Variants in ZNF273 observed in about 807,000 individuals in gnomAD.
ZNF273 encodes zinc finger protein 273.
Under a neutral mutation model 14.9 loss-of-function variants are expected in ZNF273, and 11 were observed. The ratio of observed to expected loss-of-function variants is 0.74; its 90% confidence interval spans 0.46 to 1.22. The LOEUF is 1.22. Among genes scored for constraint, ZNF273 ranks in the 50% most tolerant of loss-of-function variants. ZNF273 has a pLI of 0.00. For synonymous variants in ZNF273, 199 were observed against 223.9 expected (o/e 0.89, Z 0.99); for missense variants, 577 against 660.6 (o/e 0.87, Z 1.39).
Position 64,930,432 on chromosome 7 carries a change from AT to A in ZNF273, c.*1396del, listed in dbSNP as rs1794964950. 6.6e-6 allele frequency: 1 copy of A among 152,158 alleles called. No individual in the cohort carries two copies. Among genetic ancestry groups the A allele is most frequent in the Non-Finnish European group, 1.5e-5 (1 of 68,034 alleles). 9.4% of individuals were successfully genotyped at this position (152,158 alleles called of 1,614,324 possible). On this transcript the variant is annotated 3_prime_UTR_variant, in exon 4 of 4. Transcript: ENST00000476120. ...GAAAAATTTTTAATATTAAAATTCA[AT>A]TATATCATTTTATGAATTGTGCTTT...
rs557127873 is a variant in ZNF273, at chr7:64,920,818, C to G, written c.325+2526C>G. ...CATAATCCAGGCTGGTCTTAAAATT[C>G]CTCCGTGAGGCGATTCTCCAACCTT... is the stretch of plus-strand genomic sequence containing the variant. On this transcript the variant is annotated intron_variant, in intron 3 of 3. Coordinates refer to ENST00000476120, the MANE Select transcript of ZNF273 (RefSeq NM_021148.3). Among the ~76,000 whole-genome samples, 47 of 152,202 alleles carry G rather than the reference C, an allele frequency of 3.1e-4. No homozygotes were observed. The Middle Eastern group carries it at 0.01, about 33-fold the overall frequency.
chr7:64,887,170 T>C (rs1017731982), intron 1 of ZNF273, among the ~76,000 whole-genome samples: 8 of 152,260 alleles, frequency 5.3e-5, no homozygotes, highest in Non-Finnish European at 8.8e-5. Flanking sequence ...AAGCTAGGTC[T>C]ATCATTATTT....
At position 64,929,295 on chromosome 7, in the gene ZNF273, A is replaced by G. The variant is rs1197857843; in HGVS notation, c.*257A>G. Reference sequence around the variant, plus strand: ...GATCTTTCAGACAATATAAGCCTGCAAAGTGCAGCAGAGTATTTATTTTGA... The same window carrying G: ...GATCTTTCAGACAATATAAGCCTGCGAAGTGCAGCAGAGTATTTATTTTGA... On this transcript the variant is annotated 3_prime_UTR_variant, in exon 4 of 4. Transcript: ENST00000476120. The G allele has an allele frequency of 3.7e-6, 1 of 273,140 alleles. No homozygotes were observed. The highest frequency in any genetic ancestry group is 6.8e-6 in the Non-Finnish European group (1 of 146,632). 16.9% of individuals were successfully genotyped at this position (273,140 alleles called of 1,614,324 possible).
downstream of ZNF273, among the ~76,000 whole-genome samples, chr7:64,883,166 C>G (rs976641650): frequency 9.3e-4 from 139 of 150,202 alleles, no homozygotes; most frequent in Non-Finnish European, 1.7e-3. Flanking sequence ...TTCCTGAATC[C>G]GCGGTGAATT....
chr7:64,932,922 T>C (rs184832062), downstream of ZNF273, among the ~76,000 whole-genome samples: 1 of 152,292 alleles, frequency 6.6e-6, no homozygotes, highest in Admixed American at 6.5e-5. Context: ...ATGACTTCTG[T>C]TGACTTGAAA....
At chr7:64,936,758 G>A in the ZNF273 span, among the ~76,000 whole-genome samples, 2 of 152,176 alleles carry the variant, frequency 1.3e-5, no homozygotes, top group Non-Finnish European at 2.9e-5. Context: ...AAATAACAGT[G>A]TTTTGCACAC....
chr7:64,888,712 C>T, exon 2 of ZNF273: 1 of 985,786 alleles, frequency 1.0e-6, no homozygotes, highest in Non-Finnish European at 1.2e-6. Flanking sequence ...TCCTGGAGGA[C>T]AGCGGGATGG....
chr7:64,890,496 G>A (rs73132382), downstream of ZNF273, among the ~76,000 whole-genome samples: 792 of 152,224 alleles, frequency 5.2e-3, 2 homozygotes, highest in Non-Finnish European at 8.2e-3. Context: ...AGCTGGGGAG[G>A]ACGAACTCCC....
chr7:64,928,700 T>TA lies in ZNF273; in HGVS notation c.1373dup (p.Tyr458Ter). 1 of 1,607,100 alleles carries TA rather than the reference T, an allele frequency of 6.2e-7. No homozygotes were observed. ...HKIIHTGAKP[Y>*]KCEECGSAFR... Reference sequence around the variant, plus strand: ...GATAATTCATACTGGAGCAAAACCTTACAAATGTGAAGAATGTGGCAGTGC... The same window carrying TA: ...GATAATTCATACTGGAGCAAAACCTTAACAAATGTGAAGAATGTGGCAGTGC... Residue 458 changes from tyrosine (Y) to a stop codon, truncating the protein, a stop_gained and frameshift_variant, in exon 4 of 4, where the codon TAC becomes TAAC. Transcript: ENST00000476120. LOFTEE classifies it low-confidence loss of function (END_TRUNC).
chr7:64,882,371 C>A (rs1362469721), downstream of ZNF273: 2 of 152,218 alleles, frequency 1.3e-5, no homozygotes, highest in African/African-American at 4.8e-5. Flanking sequence ...CTTTTATAGT[C>A]CCGCAATGGT....
chr7:64,934,665 ATG>A (rs1174355768), downstream of ZNF273, among the ~76,000 whole-genome samples: 6 of 152,032 alleles, frequency 3.9e-5, no homozygotes, highest in African/African-American at 1.4e-4. Flanking sequence ...CCACTGGCAT[ATG>A]TGTCTGTTTT....
chr7:64,896,846 A>G (rs59666562), intron 3 of ZNF273, among the ~76,000 whole-genome samples: 12,666 of 152,274 alleles, frequency 0.083, 672 homozygotes, highest in South Asian at 0.18. Context: ...AGCAAATGAA[A>G]AAAAGGGGAA....
intron 1 of ZNF273, among the ~76,000 whole-genome samples, chr7:64,906,797 A>T (rs1466125620): frequency 2.0e-5 from 3 of 152,036 alleles, no homozygotes; most frequent in African/African-American, 7.3e-5. Context: ...TTACTGTTTT[A>T]AGGCAGTTTC....
At chr7:64,932,837 A>C (rs913303760), downstream of ZNF273, among the ~76,000 whole-genome samples, 4 of 152,118 alleles carry the variant, frequency 2.6e-5, no homozygotes, top group Non-Finnish European at 5.9e-5. Context: ...CAGGAGAATC[A>C]TTTGAACGCG....
intron 1 of ZNF273, among the ~76,000 whole-genome samples, chr7:64,905,495 A>G (rs1301400367): frequency 2.1e-5 from 3 of 140,128 alleles, no homozygotes; most frequent in Non-Finnish European, 4.5e-5. Context: ...TCCAGCTTTC[A>G]TTTCTTGGAG....
rs202025305 is a variant in ZNF273, at chr7:64,910,764, TTA to T, written c.103-6815_103-6814del. Among the ~76,000 whole-genome samples the T allele has an allele frequency of 6.4e-3, 626 of 98,066 alleles. 22 individuals are homozygous for T. The highest frequency in any genetic ancestry group is 0.021 in the South Asian group (55 of 2,634). The allele number at this position is 98,066 out of a possible 152,430, so 64.3% of individuals were successfully genotyped here. On this transcript the variant is annotated intron_variant, in intron 1 of 3. Transcript: ENST00000476120. ...GATAAAATAGCATTAAATCTGTAATTTATTTTTTTTTTTTTTTTGAGACGAAG... is the reference window on the plus strand; with the variant it reads ...GATAAAATAGCATTAAATCTGTAATTTTTTTTTTTTTTTTTTGAGACGAAG...
At chr7:64,914,538 T>G (rs1793815971) in intron 1 of ZNF273, among the ~76,000 whole-genome samples, 1 of 152,148 alleles carries the variant, frequency 6.6e-6, no homozygotes. Context: ...TTTCTGCCTT[T>G]GTACTAAAGG....
intron 3 of ZNF273, among the ~76,000 whole-genome samples, chr7:64,921,827 C>T (rs1220174228): frequency 1.3e-5 from 2 of 151,738 alleles, no homozygotes; most frequent in Non-Finnish European, 2.9e-5. Flanking sequence ...TGAGGTTTCA[C>T]CATGTTGGCC....
chr7:64,937,055 T>C, the ZNF273 span, among the ~76,000 whole-genome samples: 3 of 152,268 alleles, frequency 2.0e-5, no homozygotes, highest in Admixed American at 6.5e-5. Context: ...GCTATACATT[T>C]GCTAGCCTTT....
Sources: gnomAD v4.1 joint callset for allele counts (sites outside exome capture counted in the v4.1 genomes callset) on GRCh38, gnomAD v4.1.1 for gene constraint, MANE v1.5 for transcripts, NCBI Gene and HGNC (gene_info 2026-07-23, HGNC 2026-07-21) for gene names.